The following PHLPP1 variants were observed in gnomAD, a reference collection of about 807,000 sequenced individuals.
PHLPP1 encodes PH domain and leucine rich repeat protein phosphatase 1.
A neutral mutation model predicts 117.2 loss-of-function variants in PHLPP1; 42 were observed. That is an observed-to-expected ratio of 0.36 (90% confidence interval 0.28 to 0.46). The LOEUF is 0.46. Among genes scored for constraint, PHLPP1 ranks in the 20% least tolerant of loss-of-function variants. PHLPP1 has a pLI of 1.00. For missense variants in PHLPP1, 2,084 were observed against 2,241.9 expected, an observed-to-expected ratio of 0.93 and a Z score of 1.42; for synonymous variants, 1,042 against 970.7, an observed-to-expected ratio of 1.07 and a Z score of -1.37.
chr18:62,815,951 C>G (rs965540609), intron 1 of PHLPP1, among the ~76,000 whole-genome samples: 6 of 152,170 alleles, frequency 3.9e-5, no homozygotes, highest in Admixed American at 2.6e-4. Flanking sequence ...TGTTAATACT[C>G]TATGGTAACC....
chr18:62,875,994 A>G (rs952824914), intron 4 of PHLPP1, among the ~76,000 whole-genome samples: 7 of 152,064 alleles, frequency 4.6e-5, no homozygotes, highest in Non-Finnish European at 1.5e-5. Context: ...CAGCCTCCCA[A>G]AGTGCTGGGA....
At chr18:62,954,614 A>G (rs1417707481) in intron 12 of PHLPP1, among the ~76,000 whole-genome samples, 1 of 152,098 alleles carries the variant, frequency 6.6e-6, no homozygotes, top group East Asian at 1.9e-4. Flanking sequence ...TTTTTTTTCA[A>G]CTTTCTATAA....
intron 1 of PHLPP1, among the ~76,000 whole-genome samples, chr18:62,746,156 G>A (rs1446293293): frequency 6.6e-6 from 1 of 151,882 alleles, no homozygotes; most frequent in African/African-American, 2.4e-5. Flanking sequence ...CGATTCTCCT[G>A]CCTCTCAGCC....
At chr18:62,877,277 T>TA (rs1916070856) in intron 4 of PHLPP1, among the ~76,000 whole-genome samples, 1 of 152,256 alleles carries the variant, frequency 6.6e-6, no homozygotes, top group African/African-American at 2.4e-5. Flanking sequence ...TTTTTGTTTT[T>TA]ATACATAATT....
chr18:62,780,440 G>A (rs1913086704), intron 1 of PHLPP1, among the ~76,000 whole-genome samples: 1 of 152,158 alleles, frequency 6.6e-6, no homozygotes, highest in African/African-American at 2.4e-5. Context: ...AGAATTTTAT[G>A]ATTGACTTGG....
chr18:62,901,144 A>G (rs898700360), intron 6 of PHLPP1, among the ~76,000 whole-genome samples: 2 of 152,216 alleles, frequency 1.3e-5, no homozygotes, highest in African/African-American at 4.8e-5. Flanking sequence ...ATTTCATTGT[A>G]TTGAATGAAA....
chr18:62,777,966 A>G (rs191464148), intron 1 of PHLPP1, among the ~76,000 whole-genome samples: 27 of 152,284 alleles, frequency 1.8e-4, no homozygotes, highest in Admixed American at 1.4e-3. Context: ...AAAATCCTCA[A>G]TAACTGTCAA....
chr18:62,874,860 A>AT (rs1026016036), intron 4 of PHLPP1, among the ~76,000 whole-genome samples: 3 of 152,136 alleles, frequency 2.0e-5, no homozygotes, highest in Admixed American at 6.5e-5. Context: ...CCAGGAATTG[A>AT]TTTTTTTCCT....
At chr18:62,919,716 C>T (rs607127) in intron 9 of PHLPP1, among the ~76,000 whole-genome samples, 71,585 of 151,950 alleles carry the variant, frequency 0.47, 16,988 homozygotes, top group Middle Eastern at 0.57. Flanking sequence ...CTCTTCAGTG[C>T]GTACATCTAT....
chr18:62,883,550 T>C (rs1160997414), intron 4 of PHLPP1, among the ~76,000 whole-genome samples: 4 of 152,198 alleles, frequency 2.6e-5, no homozygotes. Context: ...TAACATTAAA[T>C]GCTAGCATGG....
intron 4 of PHLPP1, among the ~76,000 whole-genome samples, chr18:62,864,565 C>A (rs1018456753): frequency 1.3e-5 from 2 of 152,204 alleles, no homozygotes; most frequent in African/African-American, 4.8e-5. Context: ...TTTAAGAAAA[C>A]ATTCAGTAAG....
intron 4 of PHLPP1, among the ~76,000 whole-genome samples, chr18:62,884,439 T>C (rs755890912): frequency 1.5e-4 from 23 of 152,234 alleles, no homozygotes; most frequent in Admixed American, 1.1e-3. Flanking sequence ...AAAATCTTTC[T>C]CTTAAAAGAA....
chr18:62,857,725 G>A (rs973387313), intron 3 of PHLPP1, among the ~76,000 whole-genome samples: 1 of 152,166 alleles, frequency 6.6e-6, no homozygotes, highest in African/African-American at 2.4e-5. Context: ...CTGTGTCCTT[G>A]CACTTCCTAT....
At chr18:62,860,408 T>C (rs370631340) in intron 3 of PHLPP1, 27 bp from the exon 4 acceptor site, 27 of 1,602,652 alleles carry the variant, frequency 1.7e-5, no homozygotes, top group Non-Finnish European at 2.2e-5. Flanking sequence ...GTGGATGGTA[T>C]TAAAATTAAG....
At chr18:62,788,063 A>AT (rs1201403284) in intron 1 of PHLPP1, among the ~76,000 whole-genome samples, 3 of 152,156 alleles carry the variant, frequency 2.0e-5, no homozygotes, top group Admixed American at 6.5e-5. Flanking sequence ...ATGTTATTTG[A>AT]TTTTTTCAAT....
intron 4 of PHLPP1, among the ~76,000 whole-genome samples, chr18:62,879,231 C>A (rs1916116617): frequency 6.6e-6 from 1 of 152,178 alleles, no homozygotes; most frequent in African/African-American, 2.4e-5. Flanking sequence ...TGCCCATTAT[C>A]AAAGGGCCTG....
At chr18:62,951,083 G>A (rs1014928344) in intron 12 of PHLPP1, among the ~76,000 whole-genome samples, 3 of 151,380 alleles carry the variant, frequency 2.0e-5, no homozygotes, top group Middle Eastern at 3.2e-3. Flanking sequence ...CCAGGTTCAC[G>A]CCATTCTCCC....
intron 4 of PHLPP1, among the ~76,000 whole-genome samples, chr18:62,877,661 C>T (rs1009171436): frequency 1.3e-5 from 2 of 152,192 alleles, no homozygotes; most frequent in African/African-American, 4.8e-5. Context: ...CTTTCTTATA[C>T]AGCTTTGCTT....
intron 3 of PHLPP1, among the ~76,000 whole-genome samples, chr18:62,852,694 A>G (rs1744737683): frequency 1.3e-5 from 2 of 152,196 alleles, no homozygotes; most frequent in South Asian, 4.1e-4. Context: ...GTGGTATTTC[A>G]GCTGCTTTGA....
Sources: gnomAD v4.1 joint callset for allele counts (sites outside exome capture counted in the v4.1 genomes callset) on GRCh38, gnomAD v4.1.1 for gene constraint, MANE v1.5 for transcripts, NCBI Gene and HGNC (gene_info 2026-07-23, HGNC 2026-07-21) for gene names.